TTC8: variants seen among roughly 807,000 people sequenced by gnomAD.
TTC8 encodes the protein tetratricopeptide repeat protein 8.
In TTC8, 47 loss-of-function variants were observed where a neutral mutation model predicts 72.5. The ratio of observed to expected loss-of-function variants is 0.65; its 90% CI spans 0.51 to 0.83. The LOEUF (loss-of-function observed/expected upper bound fraction) is 0.83. Ranked by LOEUF, TTC8 falls within the 40% of genes least tolerant of loss-of-function variation. The probability of loss-of-function intolerance (pLI) is 0.00; values close to 1 mark genes in which losing one functional copy is unlikely to be tolerated. For missense variants in TTC8, 611 were observed against 623.2 expected (o/e 0.98, Z 0.21); for synonymous variants, 199 against 221.4 (o/e 0.90, Z 0.90).
Position 88,870,125 on chromosome 14 carries a change from G to T in TTC8, c.976G>T (p.Val326Leu), listed in dbSNP as rs1276008245. 9.9e-6 allele frequency: 16 copies of T among 1,614,106 alleles called. No homozygotes were observed. The highest frequency in any genetic ancestry group is 1.4e-5 in the Non-Finnish European group (16 of 1,179,960). ...AGTTTTGAAACAAGACAATACTCAT[G>T]TGGAAGCCATCGCATGCATTGGAAG... ...KEVLKQDNTH[V>L]EAIACIGSNH... The change falls in exon 11 of 15, where the codon GTG becomes TTG. Residue 326 changes from valine to leucine, a missense_variant. Physicochemically the swap from Val to Leu is conservative, Grantham distance 32. Coordinates refer to ENST00000380656, the MANE Select transcript of TTC8 (RefSeq NM_144596.4).
chr14:88,864,512 G>A (rs1020133607), intron 10 of TTC8, among the ~76,000 whole-genome samples: 4 of 152,190 alleles, frequency 2.6e-5, no homozygotes, highest in African/African-American at 9.7e-5. Context: ...TTGCTGGTGG[G>A]AAGAATTCCT....
intron 2 of TTC8, 26 bp from the exon 3 acceptor site, chr14:88,839,426 A>T (rs1247170713): frequency 6.2e-7 from 1 of 1,610,646 alleles, no homozygotes. Flanking sequence ...ATTTTAATAT[A>T]TGTTTTATTT....
rs924744214 is a variant in TTC8 at position 88,824,651 on chromosome 14, A to G, written c.-57A>G. ...CAGAGTCGGACGCCGCCAGCTCTTC[A>G]CTCCACGCCCACCTCTCTCCTGGAG... On this transcript the variant is annotated 5_prime_UTR_variant, in exon 1 of 15. Coordinates refer to ENST00000380656, the MANE Select transcript of TTC8 (RefSeq NM_144596.4). 3 of 1,448,728 alleles carry G rather than the reference A, an allele frequency of 2.1e-6. No homozygotes were observed. Among genetic ancestry groups the G allele is most frequent in the Non-Finnish European group, 2.8e-6 (3 of 1,056,756 alleles). 89.7% of individuals were successfully genotyped at this position (1,448,728 alleles called of 1,614,324 possible).
At chr14:88,874,405 C>A (rs2094948165) in intron 13 of TTC8, among the ~76,000 whole-genome samples, 1 of 151,814 alleles carries the variant, frequency 6.6e-6, no homozygotes, top group South Asian at 2.1e-4. Flanking sequence ...GCTCAGTGGT[C>A]TCTGCATTGA....
chr14:88,832,336 CT>C (rs1484729842), intron 1 of TTC8, among the ~76,000 whole-genome samples: 1 of 152,172 alleles, frequency 6.6e-6, no homozygotes, highest in Non-Finnish European at 1.5e-5. Flanking sequence ...CTTCTGTCTC[CT>C]TTAGCTGTTT....
chr14:88,870,851 C>T (rs1309616652), intron 11 of TTC8, among the ~76,000 whole-genome samples: 1 of 152,112 alleles, frequency 6.6e-6, no homozygotes, highest in African/African-American at 2.4e-5. Flanking sequence ...ATAATAAGAA[C>T]ACTATTCTGT....
intron 10 of TTC8, among the ~76,000 whole-genome samples, chr14:88,864,239 T>C (rs2094900226): frequency 6.6e-6 from 1 of 152,252 alleles, no homozygotes; most frequent in Non-Finnish European, 1.5e-5. Context: ...TTTTGAAATG[T>C]AATTTTTATA....
chr14:88,875,618 A>G (rs2094954294), intron 14 of TTC8, among the ~76,000 whole-genome samples: 1 of 152,204 alleles, frequency 6.6e-6, no homozygotes, highest in Non-Finnish European at 1.5e-5. Context: ...TTTTAACAAT[A>G]AGAAAACAAG....
At chr14:88,868,160 A>G (rs1287893640) in intron 10 of TTC8, among the ~76,000 whole-genome samples, 1 of 152,210 alleles carries the variant, frequency 6.6e-6, no homozygotes, top group East Asian at 1.9e-4. Context: ...TAAACAGACT[A>G]ATCTACCCTG....
chr14:88,861,365 A>G (rs1402925610), intron 10 of TTC8, 33 bp downstream of exon 10: 1 of 1,447,970 alleles, frequency 6.9e-7, no homozygotes, highest in Non-Finnish European at 9.6e-7. Context: ...TTATTTATTG[A>G]TACACAATAG....
chr14:88,824,531 G>A (rs2094688942), upstream of TTC8: 1 of 599,504 alleles, frequency 1.7e-6, no homozygotes, highest in Middle Eastern at 4.4e-4. Context: ...AAGCCCTGTA[G>A]CCGAGTTCTG....
intron 10 of TTC8, among the ~76,000 whole-genome samples, chr14:88,862,072 A>G (rs1340650467): frequency 1.3e-5 from 2 of 152,126 alleles, no homozygotes; most frequent in African/African-American, 4.8e-5. Context: ...TTCCATAACA[A>G]CTATACTACT....
chr14:88,856,331 T>C (rs2094855944), intron 8 of TTC8, among the ~76,000 whole-genome samples: 1 of 152,140 alleles, frequency 6.6e-6, no homozygotes, highest in African/African-American at 2.4e-5. Flanking sequence ...TTATGAAAAA[T>C]GATCAAAGGT....
rs2094798966 is a variant in TTC8 at position 88,844,900 on chromosome 14, A to T, written c.624+1050A>T. Among the ~76,000 whole-genome samples the T allele has an allele frequency of 2.0e-5, 3 of 152,122 alleles. No individual in the cohort carries two copies. In the South Asian group the frequency reaches 6.2e-4, roughly 32 times the overall value. ...CAACCACTAGCTATACACTAGGAGA[A>T]CTAATAAAAAATATGATACTTTTTC... On this transcript the variant is annotated intron_variant, in intron 7 of 14. Coordinates refer to ENST00000380656, the MANE Select transcript of TTC8 (RefSeq NM_144596.4).
At chr14:88,862,597 T>TATATATATATATATATA (rs1566852806) in intron 10 of TTC8, among the ~76,000 whole-genome samples, 4 of 85,220 alleles carry the variant, frequency 4.7e-5, no homozygotes, top group Non-Finnish European at 9.3e-5. Flanking sequence ...TATATATATA[T>TATATATATATATATATA]TTAGAGATGG....
At chr14:88,862,592 A>G (rs1302923173) in intron 10 of TTC8, among the ~76,000 whole-genome samples, 4 of 75,748 alleles carry the variant, frequency 5.3e-5, no homozygotes, top group African/African-American at 5.2e-5. Context: ...ATATATATAT[A>G]TATATTTAGA....
intron 7 of TTC8, among the ~76,000 whole-genome samples, chr14:88,850,743 GA>G: frequency 6.6e-6 from 1 of 152,304 alleles, no homozygotes; most frequent in African/African-American, 2.4e-5. Context: ...AGTGAGGACA[GA>G]AAAACCAAAT....
At chr14:88,833,579 A>C (rs917871151) in intron 1 of TTC8, 114 bp from the exon 2 acceptor site, 3 of 872,890 alleles carry the variant, frequency 3.4e-6, no homozygotes, top group Non-Finnish European at 5.7e-6. Flanking sequence ...AATTTTTTGG[A>C]TTCTTATTGA....
intron 8 of TTC8, among the ~76,000 whole-genome samples, chr14:88,854,447 A>C (rs994788889): frequency 1.6e-4 from 25 of 152,358 alleles, no homozygotes; most frequent in African/African-American, 5.3e-4. Flanking sequence ...ACAAAAGATT[A>C]GATTGTCCGT....
Sources: allele counts gnomAD v4.1 joint callset (sites outside exome capture counted in the v4.1 genomes callset), GRCh38; gene constraint gnomAD v4.1.1; transcripts MANE v1.5; gene names NCBI Gene and HGNC (gene_info 2026-07-23, HGNC 2026-07-21).